Variants in TECR observed in about 807,000 individuals in gnomAD.
The protein encoded by TECR is trans-2,3-enoyl-CoA reductase.
Under a neutral mutation model 50.6 loss-of-function variants are expected in TECR, and 19 were observed. That is an observed-to-expected ratio of 0.38 (90% CI 0.26 to 0.55). The LOEUF (loss-of-function observed/expected upper bound fraction) is 0.55. Among genes scored for constraint, TECR ranks in the 20% least tolerant of loss-of-function variants. The pLI is 0.79. For missense variants in TECR, 313 were observed against 408.3 expected, an observed-to-expected ratio of 0.77 and a Z score of 2.01; for synonymous variants, 168 against 163.5, an observed-to-expected ratio of 1.03 and a Z score of -0.21.
At position 14,555,193 on chromosome 19, in the gene TECR, C is replaced by T. The variant is rs544935741; in HGVS notation, c.16-7332C>T. ...TCCTAGGCTTAAGCGATCCTTCTGT[C>T]ACAGCCCCTGAGGAGTAGGTAGGAC... On this transcript the variant is annotated intron_variant, in intron 1 of 12. Transcript: ENST00000215567. Among the ~76,000 whole-genome samples, 13 of 151,864 alleles carry T rather than the reference C, an allele frequency of 8.6e-5. No individual in the cohort carries two copies. The East Asian group carries it at 2.1e-3, about 25-fold the overall frequency.
chr19:14,562,399 GACTTGA>G, intron 1 of TECR, 120 bp from the exon 2 acceptor site: 4 of 982,136 alleles, frequency 4.1e-6, no homozygotes, highest in Non-Finnish European at 6.5e-6. Context: ...AGGCGGCATG[GACTTGA>G]ACTTGAGCTT....
intron 1 of TECR, among the ~76,000 whole-genome samples, chr19:14,558,045 A>G (rs183648929): frequency 0.011 from 1,626 of 152,212 alleles, 13 homozygotes; most frequent in Middle Eastern, 0.031. Flanking sequence ...GTGAGCCACC[A>G]CGCCCGGCCT....
At chr19:14,557,901 A>G (rs575924088) in intron 1 of TECR, among the ~76,000 whole-genome samples, 22 of 151,866 alleles carry the variant, frequency 1.4e-4, no homozygotes, top group Middle Eastern at 3.4e-3. Context: ...GACTACAGGC[A>G]CCCACCACCG....
intron 1 of TECR, among the ~76,000 whole-genome samples, chr19:14,550,947 C>T (rs541443277): frequency 1.3e-5 from 2 of 152,138 alleles, no homozygotes; most frequent in African/African-American, 2.4e-5. Flanking sequence ...ACTGGGATTA[C>T]AGGCATGAAC....
intron 1 of TECR, chr19:14,530,973 T>TA (rs1195908065): frequency 6.6e-6 from 1 of 152,216 alleles, no homozygotes; most frequent in Non-Finnish European, 1.5e-5. Flanking sequence ...GCCACCATTC[T>TA]ACTCAGCCAC....
intron 1 of TECR, among the ~76,000 whole-genome samples, chr19:14,548,581 C>CT (rs930721733): frequency 2.6e-5 from 4 of 152,038 alleles, no homozygotes; most frequent in African/African-American, 7.2e-5. Context: ...TCTGTCGTCT[C>CT]TTTTTTTTCT....
Position 14,537,452 on chromosome 19 carries a change from A to C in TECR, c.15+7741A>C, listed in dbSNP as rs557754582. Among the ~76,000 whole-genome samples the C allele has an allele frequency of 2.0e-5, 3 of 152,200 alleles. No homozygotes were observed. In the East Asian group the frequency reaches 5.8e-4, roughly 29 times the overall value. On this transcript the variant is annotated intron_variant, in intron 1 of 12. Coordinates refer to ENST00000215567, the MANE Select transcript of TECR (RefSeq NM_138501.6). ...TCTGGACTAACTGGTTCCTGAGAAC[A>C]GAGGAGGGTTGACAGCCTTGAGTGA... is the stretch of plus-strand genomic sequence containing the variant.
At chr19:14,545,427 C>T (rs1048969915) in intron 1 of TECR, among the ~76,000 whole-genome samples, 8 of 152,184 alleles carry the variant, frequency 5.3e-5, no homozygotes, top group Admixed American at 2.0e-4. Context: ...TGTCTCCTCT[C>T]CACAGCTCCT....
chr19:14,529,552 G>A (rs1449856983), upstream of TECR: 2 of 1,270,564 alleles, frequency 1.6e-6, no homozygotes, highest in Admixed American at 1.8e-5. Flanking sequence ...TTGGCCGACG[G>A]GGCGCGCGCG....
chr19:14,552,763 C>T (rs1448101078), intron 1 of TECR, among the ~76,000 whole-genome samples: 2 of 151,888 alleles, frequency 1.3e-5, no homozygotes. Context: ...GTCTTGATCT[C>T]CTGACCTCGT....
intron 1 of TECR, among the ~76,000 whole-genome samples, chr19:14,553,444 CG>C (rs2073609317): frequency 6.6e-6 from 1 of 152,100 alleles, no homozygotes; most frequent in African/African-American, 2.4e-5. Flanking sequence ...TGTGGCGCCT[CG>C]GGGAGGCTGG....
intron 1 of TECR, among the ~76,000 whole-genome samples, chr19:14,533,070 C>A (rs1379255588): frequency 6.6e-6 from 1 of 151,712 alleles, no homozygotes; most frequent in Non-Finnish European, 1.5e-5. Context: ...TGAGATCACG[C>A]CACTGTACTC....
chr19:14,556,012 T>TCATC (rs1464698291), intron 1 of TECR, among the ~76,000 whole-genome samples: 1 of 152,134 alleles, frequency 6.6e-6, no homozygotes, highest in Non-Finnish European at 1.5e-5. Flanking sequence ...GAGCCAAGTC[T>TCATC]CATCCCTCCT....
intron 1 of TECR, among the ~76,000 whole-genome samples, chr19:14,540,969 G>C (rs2073077316): frequency 6.6e-6 from 1 of 151,876 alleles, no homozygotes; most frequent in Non-Finnish European, 1.5e-5. Context: ...GGAGTAACTG[G>C]GACTACAGGC....
Position 14,564,878 on chromosome 19 carries a change from C to A in TECR, c.562+20C>A. On this transcript the variant is annotated intron_variant, in intron 8 of 12. Transcript: ENST00000215567. ...CCCCTAGTAAGTGGCCTCAGACCAT[C>A]CTTCCCTCCCCCACGGTCCCCACCC... 1 of 1,614,048 alleles carries A rather than the reference C, an allele frequency of 6.2e-7. No individual in the cohort carries two copies. The highest frequency in any genetic ancestry group is 1.1e-5 in the South Asian group (1 of 91,086).
intron 1 of TECR, among the ~76,000 whole-genome samples, chr19:14,555,905 G>A (rs1385845856): frequency 6.6e-6 from 1 of 152,020 alleles, no homozygotes; most frequent in African/African-American, 2.4e-5. Context: ...CCTCTCTATA[G>A]CTCCCTCTTT....
In TECR at chr19:14,529,804, G is replaced by A. The variant is rs140756444; in HGVS notation, c.15+93G>A. ...ACGGGACCCCACTTTCTGGTCCTGT[G>A]CCCCGAAGGAAGAGCCAGACGGCGC... On this transcript the variant is annotated intron_variant, in intron 1 of 12. Transcript: ENST00000215567. 3.4e-4 allele frequency: 544 copies of A among 1,582,328 alleles called. No homozygotes were observed. The African/African-American group carries it at 6.4e-3, about 19-fold the overall frequency.
rs748297540 is a variant in TECR, at chr19:14,548,072, T to C, written c.16-14453T>C. ...TCTGCCTCCTGGGTCAAGCGATTCT[T>C]CTGCCTCAGCCTCCCAAGTAGCTGG... On this transcript the variant is annotated intron_variant, in intron 1 of 12. Transcript: ENST00000215567. Among the ~76,000 whole-genome samples the C allele has an allele frequency of 1.0e-3, 154 of 151,770 alleles. 4 individuals are homozygous for C. In the South Asian group the frequency reaches 0.032, roughly 31 times the overall value.
chr19:14,538,159 G>A (rs1348587450), intron 1 of TECR, among the ~76,000 whole-genome samples: 2 of 152,184 alleles, frequency 1.3e-5, no homozygotes, highest in Non-Finnish European at 2.9e-5. Context: ...AAAGTGAAGC[G>A]ACTTGTCCAC....
Sources: gnomAD v4.1 joint callset for allele counts (sites outside exome capture counted in the v4.1 genomes callset) on GRCh38, gnomAD v4.1.1 for gene constraint, MANE v1.5 for transcripts, NCBI Gene and HGNC (gene_info 2026-07-23, HGNC 2026-07-21) for gene names.